LINGO2: variants seen among roughly 807,000 people sequenced by gnomAD.
LINGO2 encodes the protein leucine rich repeat and Ig domain containing 2, also known as leucine-rich repeat and immunoglobulin-like domain-containing nogo receptor-interacting protein 2.
Under a neutral mutation model 30.6 loss-of-function variants are expected in LINGO2, and 14 were observed. That is an observed-to-expected ratio of 0.46 (90% CI 0.30 to 0.72). The LOEUF (loss-of-function observed/expected upper bound fraction) is 0.72. LINGO2 is among the 30% of genes least tolerant of loss of function. LINGO2 has a pLI of 0.07. For synonymous variants in LINGO2, 317 were observed against 288.5 expected, an observed-to-expected ratio of 1.10 and a Z score of -1.00; for missense variants, 729 against 751.7, an observed-to-expected ratio of 0.97 and a Z score of 0.35.
chr9:28,798,812 A>C, the LINGO2 span, among the ~76,000 whole-genome samples: 23 of 152,160 alleles, frequency 1.5e-4, no homozygotes, highest in African/African-American at 5.1e-4. Context: ...CACATATAAG[A>C]GAAGTTATTA....
the LINGO2 span, among the ~76,000 whole-genome samples, chr9:28,812,917 C>T: frequency 1.3e-5 from 2 of 152,126 alleles, no homozygotes; most frequent in African/African-American, 4.8e-5. Flanking sequence ...CTATGCTAAG[C>T]AAGCACTCCT....
At chr9:28,325,412 A>G (rs1178118579) in intron 3 of LINGO2, among the ~76,000 whole-genome samples, 1 of 152,084 alleles carries the variant, frequency 6.6e-6, no homozygotes, top group Admixed American at 6.6e-5. Context: ...TTCACTAAGT[A>G]CCAATAAGAA....
At chr9:29,149,453 G>T in the LINGO2 span, among the ~76,000 whole-genome samples, 1 of 151,992 alleles carries the variant, frequency 6.6e-6, no homozygotes, top group Non-Finnish European at 1.5e-5. Flanking sequence ...AACACCAAGA[G>T]TTGATAGAGA....
At chr9:28,552,763 T>C (rs1331999391) in intron 1 of LINGO2, among the ~76,000 whole-genome samples, 1 of 151,710 alleles carries the variant, frequency 6.6e-6, no homozygotes, top group Non-Finnish European at 1.5e-5. Flanking sequence ...TTTATTTCTA[T>C]TCTTATTTTT....
chr9:28,078,547 T>C (rs1277152366), intron 4 of LINGO2, among the ~76,000 whole-genome samples: 2 of 148,692 alleles, frequency 1.3e-5, no homozygotes, highest in African/African-American at 5.2e-5. Flanking sequence ...TTGCTTTATT[T>C]TGGGTTAAGA....
chr9:28,496,091 AT>A (rs1270837510), intron 1 of LINGO2, among the ~76,000 whole-genome samples: 1 of 151,392 alleles, frequency 6.6e-6, no homozygotes, highest in African/African-American at 2.4e-5. Context: ...TATGTAGTCA[AT>A]TTTGGAATAA....
chr9:28,594,505 T>C (rs1269477791), intron 1 of LINGO2, among the ~76,000 whole-genome samples: 1 of 152,090 alleles, frequency 6.6e-6, no homozygotes, highest in Admixed American at 6.6e-5. Context: ...TAGTTGTACT[T>C]TTCATTTACG....
At chr9:28,335,249 G>T (rs959557575) in intron 3 of LINGO2, among the ~76,000 whole-genome samples, 10 of 152,112 alleles carry the variant, frequency 6.6e-5, no homozygotes, top group Non-Finnish European at 1.5e-4. Flanking sequence ...AGCATTTAAG[G>T]TATTGTTACA....
chr9:28,426,393 C>A (rs1823415180), intron 2 of LINGO2, among the ~76,000 whole-genome samples: 1 of 151,994 alleles, frequency 6.6e-6, no homozygotes, highest in Non-Finnish European at 1.5e-5. Context: ...ACATTTTGCT[C>A]ATGTTTTTAA....
intron 2 of LINGO2, among the ~76,000 whole-genome samples, chr9:28,387,186 A>G (rs1272002552): frequency 1.3e-5 from 2 of 152,094 alleles, no homozygotes; most frequent in African/African-American, 4.8e-5. Flanking sequence ...AGCACCCTGT[A>G]AAAACACACC....
rs190165755 is a variant in LINGO2 at position 28,494,152 on chromosome 9, G to A, written c.-364-18127C>T. ...ATTTGTTTGGTGCAAAAGAAATACC[G>A]GTTTTTGCCATTACTTTTAAATCAC... is the stretch of plus-strand genomic sequence containing the variant. On this transcript the variant is annotated intron_variant, in intron 1 of 5. Coordinates refer to ENST00000379992, the Ensembl canonical transcript of LINGO2. Among the ~76,000 whole-genome samples the A allele has an allele frequency of 1.7e-3, 251 of 151,964 alleles. 1 individual carries two copies. Among genetic ancestry groups the A allele is most frequent in the African/African-American group, 5.7e-3 (238 of 41,434 alleles).
chr9:28,876,123 C>T, the LINGO2 span, among the ~76,000 whole-genome samples: 5 of 152,028 alleles, frequency 3.3e-5, no homozygotes, highest in Non-Finnish European at 7.4e-5. Context: ...AGTGGCATTG[C>T]TACTCTTCTC....
At chr9:28,557,312 C>A (rs1297348704) in intron 1 of LINGO2, among the ~76,000 whole-genome samples, 1 of 151,930 alleles carries the variant, frequency 6.6e-6, no homozygotes. Context: ...AAAAAACAAA[C>A]AACCCCATCA....
chr9:28,986,672 A>T, the LINGO2 span, among the ~76,000 whole-genome samples: 1 of 151,992 alleles, frequency 6.6e-6, no homozygotes, highest in Non-Finnish European at 1.5e-5. Context: ...TGTTAATTGA[A>T]AATATCATAA....
chr9:29,075,881 A>G, the LINGO2 span, among the ~76,000 whole-genome samples: 1 of 152,070 alleles, frequency 6.6e-6, no homozygotes, highest in Non-Finnish European at 1.5e-5. Context: ...ATGCTAAGCT[A>G]TATTCTTTAT....
intron 4 of LINGO2, among the ~76,000 whole-genome samples, chr9:28,253,160 T>C (rs1337505705): frequency 6.6e-6 from 1 of 152,116 alleles, no homozygotes; most frequent in Admixed American, 6.6e-5. Context: ...CAAGGCATTA[T>C]AGTACATATA....
chr9:28,670,683 A>G (rs952929396), upstream of LINGO2, among the ~76,000 whole-genome samples: 1 of 152,150 alleles, frequency 6.6e-6, no homozygotes. Context: ...ACCACTGGCT[A>G]CTTTAACCAA....
intron 5 of LINGO2, among the ~76,000 whole-genome samples, chr9:28,005,081 C>T (rs1822195627): frequency 6.6e-6 from 1 of 152,164 alleles, no homozygotes; most frequent in African/African-American, 2.4e-5. Context: ...TGGCAGGATA[C>T]AGTTGTTTCC....
At chr9:28,653,275 G>A (rs1005296032) in intron 1 of LINGO2, among the ~76,000 whole-genome samples, 6 of 152,086 alleles carry the variant, frequency 3.9e-5, no homozygotes, top group Admixed American at 6.6e-5. Context: ...CCATAATTTT[G>A]TGACTGTACC....
Sources: gnomAD v4.1 joint callset for allele counts (sites outside exome capture counted in the v4.1 genomes callset) on GRCh38, gnomAD v4.1.1 for gene constraint, MANE v1.5 for transcripts, NCBI Gene and HGNC (gene_info 2026-07-23, HGNC 2026-07-21) for gene names.